The following CDH2 variants were observed in gnomAD, a reference collection of about 807,000 sequenced individuals.
CDH2 encodes the protein cadherin-2.
Under a neutral mutation model 92.0 loss-of-function variants are expected in CDH2, and 17 were observed. That is an observed-to-expected ratio of 0.18 (90% CI 0.13 to 0.28). CDH2 has a LOEUF of 0.28. Ranked by LOEUF, CDH2 falls within the 10% of genes least tolerant of loss-of-function variation. CDH2 has a pLI of 1.00. For missense variants in CDH2, 862 were observed against 1,133.1 expected (o/e 0.76, Z 3.44); for synonymous variants, 419 against 415.9 (o/e 1.01, Z -0.09).
chr18:28,018,018 C>T (rs2013301004), intron 2 of CDH2, among the ~76,000 whole-genome samples: 1 of 152,020 alleles, frequency 6.6e-6, no homozygotes, highest in African/African-American at 2.4e-5. Context: ...AAAACTCTAA[C>T]TCATCCCAAA....
At chr18:27,967,628 A>G (rs966808303) in intron 14 of CDH2, among the ~76,000 whole-genome samples, 4 of 152,230 alleles carry the variant, frequency 2.6e-5, no homozygotes, top group Admixed American at 2.6e-4. Context: ...AAGGCCAAGG[A>G]AAATCTCTTT....
At chr18:28,005,755 C>A (rs2012897928) in intron 6 of CDH2, 94 bp downstream of exon 6, 1 of 753,436 alleles carries the variant, frequency 1.3e-6, no homozygotes, top group Non-Finnish European at 2.0e-6. Flanking sequence ...ATCCAAAAAG[C>A]CTCATATGAT....
chr18:28,072,873 A>G (rs1478764042), intron 2 of CDH2, among the ~76,000 whole-genome samples: 1 of 152,228 alleles, frequency 6.6e-6, no homozygotes, highest in African/African-American at 2.4e-5. Context: ...AAAAGTATAT[A>G]AACCCTAGTT....
chr18:28,137,755 C>G (rs916298739), intron 2 of CDH2, among the ~76,000 whole-genome samples: 1 of 151,956 alleles, frequency 6.6e-6, no homozygotes, highest in Admixed American at 6.6e-5. Flanking sequence ...AAAATAAATA[C>G]ATTCTTAGAA....
In CDH2 at chr18:28,172,100, T is replaced by TGC. The variant is rs1426676182; in HGVS notation, c.60+4862_60+4863insGC. Among the ~76,000 whole-genome samples, 13 of 151,284 alleles carry TGC rather than the reference T, an allele frequency of 8.6e-5. 1 individual carries two copies. The highest frequency in any genetic ancestry group is 4.4e-5 in the Non-Finnish European group (3 of 67,950). On this transcript the variant is annotated intron_variant, in intron 1 of 15. Coordinates refer to ENST00000269141, the MANE Select transcript of CDH2 (RefSeq NM_001792.5). ...GGGTGTGTGTGTGTGTGTGTGTGTG[T>TGC]GTGCGTGTGTGTATGCAATCCAAGG... is the stretch of plus-strand genomic sequence containing the variant.
At chr18:28,157,943 G>A (rs969982029) in intron 1 of CDH2, among the ~76,000 whole-genome samples, 8 of 152,142 alleles carry the variant, frequency 5.3e-5, no homozygotes, top group Non-Finnish European at 1.0e-4. Context: ...AATTTTCAGA[G>A]GTGATATTGA....
In CDH2 at chr18:27,962,699, G is replaced by A. The variant is rs554024042; in HGVS notation, c.2514+658C>T. Among the ~76,000 whole-genome samples, 15 of 152,290 alleles carry A rather than the reference G, an allele frequency of 9.8e-5. No homozygotes were observed. In the South Asian group the frequency reaches 3.1e-3, roughly 32 times the overall value. ...ACTACAGACATGATCAGAAGCAGCA[G>A]CACAAATCATTGAACTTCAAAACTT... is the stretch of plus-strand genomic sequence containing the variant. On this transcript the variant is annotated intron_variant, in intron 15 of 15. Transcript: ENST00000269141.
At chr18:28,161,504 CAGG>C (rs1814820609) in intron 1 of CDH2, among the ~76,000 whole-genome samples, 1 of 149,070 alleles carries the variant, frequency 6.7e-6, no homozygotes, top group Non-Finnish European at 1.5e-5. Context: ...AGCTTGAACC[CAGG>C]AGGAGGAGAA....
At chr18:28,033,698 A>G (rs2013755433) in intron 2 of CDH2, among the ~76,000 whole-genome samples, 1 of 152,100 alleles carries the variant, frequency 6.6e-6, no homozygotes, top group African/African-American at 2.4e-5. Flanking sequence ...AATATACAAG[A>G]TGTGATTATA....
intron 2 of CDH2, among the ~76,000 whole-genome samples, chr18:28,125,095 G>A (rs958834006): frequency 3.9e-5 from 6 of 152,160 alleles, no homozygotes; most frequent in African/African-American, 1.4e-4. Flanking sequence ...GTTCCAGTAC[G>A]TGAGACATTA....
intron 2 of CDH2, among the ~76,000 whole-genome samples, chr18:28,026,112 A>C (rs1299713311): frequency 1.3e-5 from 2 of 152,200 alleles, no homozygotes; most frequent in Admixed American, 1.3e-4. Flanking sequence ...CATAGAGAAG[A>C]AGCCAAATTC....
chr18:28,022,759 T>C (rs1384817741), intron 2 of CDH2, among the ~76,000 whole-genome samples: 1 of 152,170 alleles, frequency 6.6e-6, no homozygotes, highest in Non-Finnish European at 1.5e-5. Context: ...ATTGCTCTAA[T>C]AGTTTTAATA....
chr18:28,026,846 C>A (rs2013565975), intron 2 of CDH2, among the ~76,000 whole-genome samples: 1 of 152,142 alleles, frequency 6.6e-6, no homozygotes. Context: ...GAAATATCTT[C>A]AGTTTTTCTC....
chr18:28,176,688 G>A (rs899545677), intron 1 of CDH2, among the ~76,000 whole-genome samples: 1 of 151,996 alleles, frequency 6.6e-6, no homozygotes, highest in Admixed American at 6.5e-5. Flanking sequence ...GAGCTTGCTC[G>A]GCCCCGAAGA....
At chr18:27,942,305 C>A (rs887482797) in intron 6 of CDH2, among the ~76,000 whole-genome samples, 2 of 152,148 alleles carry the variant, frequency 1.3e-5, no homozygotes, top group South Asian at 2.1e-4. Context: ...TTATAAAAGG[C>A]TATAGTGTAA....
At chr18:27,967,544 G>GT (rs1002956087) in intron 14 of CDH2, among the ~76,000 whole-genome samples, 2 of 152,166 alleles carry the variant, frequency 1.3e-5, no homozygotes, top group African/African-American at 2.4e-5. Flanking sequence ...AACTCAAAGA[G>GT]TGGGTCCGAA....
intron 2 of CDH2, among the ~76,000 whole-genome samples, chr18:28,089,964 T>G (rs1423942684): frequency 6.6e-6 from 1 of 152,182 alleles, no homozygotes; most frequent in Non-Finnish European, 1.5e-5. Context: ...TATAAACTGT[T>G]TTATTACATC....
chr18:28,103,459 C>T (rs1186850094), intron 2 of CDH2, among the ~76,000 whole-genome samples: 13 of 133,786 alleles, frequency 9.7e-5, no homozygotes, highest in African/African-American at 3.7e-4. Flanking sequence ...TATATATATA[C>T]ACATAAAGTA....
intron 2 of CDH2, among the ~76,000 whole-genome samples, chr18:28,130,682 G>T (rs913515533): frequency 6.6e-6 from 1 of 152,202 alleles, no homozygotes; most frequent in Admixed American, 6.5e-5. Flanking sequence ...TGCGGGAGAG[G>T]ATTTGGGCTC....
Sources: allele counts gnomAD v4.1 joint callset (sites outside exome capture counted in the v4.1 genomes callset), GRCh38; gene constraint gnomAD v4.1.1; transcripts MANE v1.5; gene names NCBI Gene and HGNC (gene_info 2026-07-23, HGNC 2026-07-21).